The following SGCD variants were observed in gnomAD, a reference collection of about 807,000 sequenced individuals.
SGCD encodes the protein sarcoglycan delta, also known as delta-sarcoglycan.
SGCD carries 18 observed loss-of-function variants against 36.6 expected under a neutral mutation model. The observed-to-expected ratio is 0.49, with a 90% CI of 0.34 to 0.73. The LOEUF is 0.73. Ranked by LOEUF, SGCD falls within the 30% of genes least tolerant of loss-of-function variation. The pLI, the probability that SGCD is intolerant of heterozygous loss-of-function variation, is 0.01. For synonymous variants in SGCD, 133 were observed against 130.6 expected (o/e 1.02, Z -0.12); for missense variants, 387 against 346.7 (o/e 1.12, Z -0.92).
chr5:156,304,059 G>A (rs999170458), intron 3 of SGCD, among the ~76,000 whole-genome samples: 1 of 152,028 alleles, frequency 6.6e-6, no homozygotes, highest in Non-Finnish European at 1.5e-5. Flanking sequence ...AGTCCTTGTG[G>A]CCTAGACTGC....
At chr5:155,922,429 C>A (rs1426702241) in intron 1 of SGCD, among the ~76,000 whole-genome samples, 1 of 152,092 alleles carries the variant, frequency 6.6e-6, no homozygotes, top group Non-Finnish European at 1.5e-5. Flanking sequence ...GTGAGCAAAA[C>A]CCTGGGTAGA....
rs149846058 is a variant in SGCD at position 156,723,966 on chromosome 5, T to C, written c.576-33615T>C. 2.7e-3 allele frequency among the ~76,000 whole-genome samples: 409 copies of C among 152,208 alleles called. 1 individual carries two copies. Among genetic ancestry groups the C allele is most frequent in the African/African-American group, 9.5e-3 (393 of 41,540 alleles). On this transcript the variant is annotated intron_variant, in intron 7 of 8. Transcript: ENST00000337851. ...CAGAATGGATGGGAAGGGAGCACGGTGAAAATAGAGTTAGGAAATTATTCT... is the reference window on the plus strand; with the variant it reads ...CAGAATGGATGGGAAGGGAGCACGGCGAAAATAGAGTTAGGAAATTATTCT...
At position 155,898,958 on chromosome 5, in the gene SGCD, C is replaced by T. The variant is rs1388625014; in HGVS notation, c.-282+28534C>T. Among the ~76,000 whole-genome samples the T allele has an allele frequency of 5.3e-5, 8 of 152,172 alleles. No individual in the cohort carries two copies. The East Asian group carries it at 1.5e-3, about 29-fold the overall frequency. Reference sequence around the variant, plus strand: ...CTGTGTCTTGAAGGACTTGCTAGGGCTTGCCTGGAGGAGAATCAGGAGCAT... The same window carrying T: ...CTGTGTCTTGAAGGACTTGCTAGGGTTTGCCTGGAGGAGAATCAGGAGCAT... On this transcript the variant is annotated intron_variant, in intron 1 of 9. Coordinates refer to the SGCD transcript ENST00000517913.
chr5:156,338,957 A>ACT (rs1768501596), intron 2 of SGCD, among the ~76,000 whole-genome samples: 1 of 62,032 alleles, frequency 1.6e-5, no homozygotes, highest in African/African-American at 1.6e-4. Context: ...TCAAGTCTTG[A>ACT]CTCTAATGCT....
intron 1 of SGCD, among the ~76,000 whole-genome samples, chr5:156,057,684 G>C (rs1316318355): frequency 6.8e-6 from 1 of 146,152 alleles, no homozygotes; most frequent in Non-Finnish European, 1.5e-5. Flanking sequence ...AAATTACAAA[G>C]GCTATTGAGA....
At chr5:156,564,487 G>A (rs1759398112) in intron 4 of SGCD, among the ~76,000 whole-genome samples, 1 of 152,182 alleles carries the variant, frequency 6.6e-6, no homozygotes, top group Non-Finnish European at 1.5e-5. Context: ...TTTACGTTAT[G>A]TAAATTATAC....
chr5:156,134,526 G>T (rs1484563892), intron 3 of SGCD, among the ~76,000 whole-genome samples: 2 of 151,980 alleles, frequency 1.3e-5, no homozygotes, highest in Non-Finnish European at 2.9e-5. Context: ...TGCACTTGCT[G>T]GTTCTTTTGC....
At chr5:156,062,532 A>G (rs1184914507) in intron 1 of SGCD, among the ~76,000 whole-genome samples, 3 of 116,234 alleles carry the variant, frequency 2.6e-5, no homozygotes, top group Non-Finnish European at 1.8e-5. Context: ...TGGTTGAACT[A>G]GTTTACAGTC....
intron 3 of SGCD, among the ~76,000 whole-genome samples, chr5:156,396,050 CAGA>C (rs1771830529): frequency 6.6e-6 from 1 of 152,258 alleles, no homozygotes; most frequent in African/African-American, 2.4e-5. Flanking sequence ...TTTGAAAACT[CAGA>C]AGAACTGAAG....
chr5:156,631,464 T>A (rs1762629058), intron 6 of SGCD, among the ~76,000 whole-genome samples: 1 of 151,338 alleles, frequency 6.6e-6, no homozygotes, highest in Non-Finnish European at 1.5e-5. Flanking sequence ...CACTTGCTTT[T>A]TTTTTTTTTT....
chr5:155,759,918 C>A, the SGCD span, among the ~76,000 whole-genome samples: 1 of 152,292 alleles, frequency 6.6e-6, no homozygotes, highest in Middle Eastern at 3.4e-3. Context: ...AAATTTTCTA[C>A]GAAGTAACTC....
intron 1 of SGCD, among the ~76,000 whole-genome samples, chr5:156,329,084 CT>C (rs35262054): frequency 6.6e-6 from 1 of 152,240 alleles, no homozygotes; most frequent in East Asian, 1.9e-4. Context: ...TAGTTTCTCT[CT>C]TTTTTAGAAG....
At chr5:156,615,621 G>A (rs1761990011) in intron 6 of SGCD, among the ~76,000 whole-genome samples, 1 of 152,154 alleles carries the variant, frequency 6.6e-6, no homozygotes, top group African/African-American at 2.4e-5. Flanking sequence ...GTGTATGTCT[G>A]TCATATGTAT....
At chr5:156,167,433 G>A (rs1324054744) in intron 3 of SGCD, among the ~76,000 whole-genome samples, 1 of 152,178 alleles carries the variant, frequency 6.6e-6, no homozygotes, top group Non-Finnish European at 1.5e-5. Flanking sequence ...ACACATGGTA[G>A]ATGCTTGTTG....
intron 3 of SGCD, among the ~76,000 whole-genome samples, chr5:156,422,294 C>A (rs1406854210): frequency 6.6e-6 from 1 of 152,062 alleles, no homozygotes; most frequent in Non-Finnish European, 1.5e-5. Context: ...CAATTTCCAT[C>A]AGAATGATGT....
At chr5:155,845,167 A>G in the SGCD span, among the ~76,000 whole-genome samples, 19 of 152,236 alleles carry the variant, frequency 1.2e-4, no homozygotes, top group South Asian at 3.9e-3. Context: ...GAGAATGTCC[A>G]TCATCTTATT....
the SGCD span, among the ~76,000 whole-genome samples, chr5:155,758,783 C>T: frequency 6.6e-6 from 1 of 152,150 alleles, no homozygotes; most frequent in African/African-American, 2.4e-5. Context: ...TTCCACAAAA[C>T]TGGTCCTTGG....
chr5:156,701,148 G>A (rs1416157201), intron 7 of SGCD, among the ~76,000 whole-genome samples: 1 of 152,148 alleles, frequency 6.6e-6, no homozygotes, highest in East Asian at 1.9e-4. Context: ...TATGTGTGGA[G>A]TCCATGGGAA....
intron 3 of SGCD, among the ~76,000 whole-genome samples, chr5:156,168,277 C>T (rs577804756): frequency 2.6e-5 from 4 of 152,098 alleles, no homozygotes; most frequent in Admixed American, 6.5e-5. Flanking sequence ...CTAGAATGTT[C>T]GTTAACTCAC....
Sources: gnomAD v4.1 joint callset for allele counts (sites outside exome capture counted in the v4.1 genomes callset) on GRCh38, gnomAD v4.1.1 for gene constraint, MANE v1.5 for transcripts, NCBI Gene and HGNC (gene_info 2026-07-23, HGNC 2026-07-21) for gene names.